SLC25A48: variants seen among roughly 807,000 people sequenced by gnomAD.
The protein encoded by SLC25A48 is solute carrier family 25 member 48.
In SLC25A48, 29 loss-of-function variants were observed where a neutral mutation model predicts 32.2. The observed-to-expected ratio is 0.90, with a 90% CI of 0.67 to 1.23. The LOEUF (loss-of-function observed/expected upper bound fraction) is 1.23, where lower values mean the gene tolerates loss of function less well. Among genes scored for constraint, SLC25A48 ranks in the 50% most tolerant of loss-of-function variants. The pLI, the probability that SLC25A48 is intolerant of heterozygous loss-of-function variation, is 0.00. For missense variants in SLC25A48, 399 were observed against 422.7 expected, an observed-to-expected ratio of 0.94 and a Z score of 0.49; for synonymous variants, 164 against 172.3, an observed-to-expected ratio of 0.95 and a Z score of 0.38.
chr5:135,722,016 AG>A (rs1465824393), intron 3 of SLC25A48, among the ~76,000 whole-genome samples: 3 of 152,270 alleles, frequency 2.0e-5, no homozygotes, highest in Non-Finnish European at 4.4e-5. Flanking sequence ...GCTGTTCCAA[AG>A]CAATCCTCAG....
chr5:135,825,080 C>A (rs1429171985), intron 4 of SLC25A48: 1 of 152,198 alleles, frequency 6.6e-6, no homozygotes, highest in Non-Finnish European at 1.5e-5. Flanking sequence ...GCAGCAGCAA[C>A]AATAAAGCCA....
intron 3 of SLC25A48, among the ~76,000 whole-genome samples, chr5:135,675,415 G>T (rs757442619): frequency 1.3e-5 from 2 of 151,690 alleles, no homozygotes; most frequent in Non-Finnish European, 3.0e-5. Context: ...ACCTTGGCCT[G>T]CATATGGATA....
chr5:135,721,192 C>CTTTTTT lies in SLC25A48; in HGVS notation c.-521+86260_-521+86265dup, dbSNP rs757412641. 1.8e-3 allele frequency among the ~76,000 whole-genome samples: 96 copies of CTTTTTT among 53,882 alleles called. 13 individuals are homozygous for CTTTTTT. The highest frequency in any genetic ancestry group is 3.2e-3 in the Non-Finnish European group (77 of 23,716). 35.3% of individuals were successfully genotyped at this position (53,882 alleles called of 152,430 possible). On this transcript the variant is annotated intron_variant, in intron 3 of 10. Transcript: ENST00000646290. ...GAGTAGCTGGGACACCATGCCTGGCCTTTTTTTTTTTTTTTTTTTTTTTTT... is the reference window on the plus strand; with the variant it reads ...GAGTAGCTGGGACACCATGCCTGGCCTTTTTTTTTTTTTTTTTTTTTTTTTTTTTTT...
In SLC25A48 at chr5:135,626,968, T is replaced by C. The variant is rs2016425; in HGVS notation, c.-848-2269T>C. Among the ~76,000 whole-genome samples, 35 of 152,200 alleles carry C rather than the reference T, an allele frequency of 2.3e-4. No homozygotes were observed. The East Asian group carries it at 5.8e-3, about 25-fold the overall frequency. On this transcript the variant is annotated intron_variant, in intron 1 of 10. Coordinates refer to the SLC25A48 transcript ENST00000646290. The stretch of plus-strand genomic sequence containing the variant: ...TGGTTGCCTTCTTGCAACAGACCCA[T>C]AGAAGTAGCCCCACTTATGGCCTGG...
intron 3 of SLC25A48, among the ~76,000 whole-genome samples, chr5:135,640,226 T>C (rs562632108): frequency 6.6e-5 from 10 of 152,198 alleles, no homozygotes; most frequent in East Asian, 1.9e-4. Context: ...ATCTGAAGAA[T>C]TGAGAAAAGA....
chr5:135,652,936 G>T (rs1252507778), intron 3 of SLC25A48, among the ~76,000 whole-genome samples: 2 of 152,178 alleles, frequency 1.3e-5, no homozygotes, highest in Admixed American at 1.3e-4. Context: ...AGGGCCTAAT[G>T]CAAGGTGTTT....
intron 5 of SLC25A48, chr5:135,872,667 A>G (rs1353506005): frequency 2.0e-5 from 3 of 152,294 alleles, no homozygotes; most frequent in Admixed American, 6.5e-5. Context: ...CATAGCCAGA[A>G]GGGCCTTTGG....
At chr5:135,763,616 G>C (rs1049781006) in intron 3 of SLC25A48, among the ~76,000 whole-genome samples, 1 of 152,142 alleles carries the variant, frequency 6.6e-6, no homozygotes, top group African/African-American at 2.4e-5. Context: ...TGAGCCCTCA[G>C]CACCACTCAA....
intron 4 of SLC25A48, among the ~76,000 whole-genome samples, chr5:135,868,067 T>C (rs1761339952): frequency 6.6e-6 from 1 of 152,216 alleles, no homozygotes; most frequent in Non-Finnish European, 1.5e-5. Context: ...TGTGATGACA[T>C]AGGTGAATGC....
intron 3 of SLC25A48, among the ~76,000 whole-genome samples, chr5:135,733,176 G>A (rs182495741): frequency 2.0e-5 from 3 of 152,162 alleles, no homozygotes; most frequent in African/African-American, 7.2e-5. Flanking sequence ...GTAATGGAGG[G>A]GGGCAGAGCA....
chr5:135,673,542 T>G (rs1288523965), intron 3 of SLC25A48, among the ~76,000 whole-genome samples: 1 of 152,168 alleles, frequency 6.6e-6, no homozygotes, highest in Non-Finnish European at 1.5e-5. Context: ...GCTCAAAAAC[T>G]TTCTTATTTT....
intron 4 of SLC25A48, among the ~76,000 whole-genome samples, chr5:135,866,928 C>G (rs1035150748): frequency 6.6e-6 from 1 of 152,184 alleles, no homozygotes; most frequent in Non-Finnish European, 1.5e-5. Context: ...TTTTGAGGTA[C>G]ATAATCTCTA....
chr5:135,589,270 G>T (rs1329976119), intron 1 of SLC25A48, among the ~76,000 whole-genome samples: 1 of 152,220 alleles, frequency 6.6e-6, no homozygotes, highest in Non-Finnish European at 1.5e-5. Context: ...TTCTCAAAGA[G>T]TGTCTCTAGT....
upstream of SLC25A48, among the ~76,000 whole-genome samples, chr5:135,833,915 A>G (rs1758308103): frequency 6.6e-6 from 1 of 152,228 alleles, no homozygotes; most frequent in African/African-American, 2.4e-5. Context: ...GGCCCAGCAG[A>G]GGCCCCTTCC....
At chr5:135,719,079 G>T (rs1278473985) in intron 3 of SLC25A48, among the ~76,000 whole-genome samples, 1 of 152,184 alleles carries the variant, frequency 6.6e-6, no homozygotes, top group African/African-American at 2.4e-5. Context: ...GAGGAAAACT[G>T]GGTAAAGGGT....
chr5:135,874,282 T>G (rs1761882731), intron 6 of SLC25A48, 128 bp downstream of exon 6: 1 of 1,163,354 alleles, frequency 8.6e-7, no homozygotes, highest in Non-Finnish European at 1.1e-6. Flanking sequence ...ATGTATCAGG[T>G]GCCACAAGTG....
In SLC25A48 at chr5:135,834,846, C is replaced by T. The variant is rs764573336; in HGVS notation, c.-2C>T. ...CCGGGAGGGCGAGACCGAGCGCCGG[C>T]CATGGGAAGCTTCCAGCTGGAAGAC... On this transcript the variant is annotated 5_prime_UTR_variant, in exon 1 of 8. Transcript: ENST00000681962. 2 of 1,598,376 alleles carry T rather than the reference C, an allele frequency of 1.3e-6. No homozygotes were observed. The highest frequency in any genetic ancestry group is 2.3e-5 in the South Asian group (2 of 87,526).
At chr5:135,804,468 T>C (rs2126645699) in intron 3 of SLC25A48, among the ~76,000 whole-genome samples, 1 of 151,926 alleles carries the variant, frequency 6.6e-6, no homozygotes, top group East Asian at 1.9e-4. Flanking sequence ...ATTCATAATA[T>C]GCTATGGATG....
chr5:135,788,438 C>T (rs1006673966), intron 3 of SLC25A48, among the ~76,000 whole-genome samples: 8 of 149,854 alleles, frequency 5.3e-5, no homozygotes, highest in Non-Finnish European at 1.5e-5. Context: ...GGGTGTACCC[C>T]CTCCCGCCAT....
Sources: allele counts gnomAD v4.1 joint callset (sites outside exome capture counted in the v4.1 genomes callset), GRCh38; gene constraint gnomAD v4.1.1; transcripts MANE v1.5; gene names NCBI Gene and HGNC (gene_info 2026-07-23, HGNC 2026-07-21).